SLC14A2: variants seen among roughly 807,000 people sequenced by gnomAD.
The protein encoded by SLC14A2 is urea transporter 2.
In SLC14A2, 91 loss-of-function variants were observed where a neutral mutation model predicts 104.6. The ratio of observed to expected loss-of-function variants is 0.87; its 90% CI spans 0.73 to 1.04. The LOEUF (loss-of-function observed/expected upper bound fraction) is 1.04, where lower values mean the gene tolerates loss of function less well. Ranked by LOEUF, SLC14A2 falls within the 50% of genes least tolerant of loss-of-function variation. The probability of loss-of-function intolerance (pLI) is 0.00; values close to 1 mark genes in which losing one functional copy is unlikely to be tolerated. For missense variants in SLC14A2, 1,189 were observed against 1,156.0 expected, an observed-to-expected ratio of 1.03 and a Z score of -0.41; for synonymous variants, 476 against 466.4, an observed-to-expected ratio of 1.02 and a Z score of -0.27.
intron 1 of SLC14A2, among the ~76,000 whole-genome samples, chr18:45,338,698 A>ACAAAAC (rs2085362175): frequency 8.5e-6 from 1 of 117,580 alleles, no homozygotes; most frequent in African/African-American, 2.8e-5. Flanking sequence ...AAAAAAAAAA[A>ACAAAAC]AAAAAAAAAA....
chr18:45,590,928 A>C (rs141269252), intron 2 of SLC14A2, among the ~76,000 whole-genome samples: 161 of 152,326 alleles, frequency 1.1e-3, no homozygotes, highest in Non-Finnish European at 1.5e-3. Flanking sequence ...CAAGTCGCCC[A>C]ATGTCTCACA....
intron 1 of SLC14A2, among the ~76,000 whole-genome samples, chr18:45,244,141 G>A (rs764224014): frequency 5.3e-5 from 8 of 152,038 alleles, no homozygotes; most frequent in South Asian, 2.1e-4. Context: ...GAGCCCCCTG[G>A]GCAGCCCACC....
chr18:45,316,855 A>G (rs2085134348), intron 1 of SLC14A2, among the ~76,000 whole-genome samples: 1 of 152,168 alleles, frequency 6.6e-6, no homozygotes, highest in Non-Finnish European at 1.5e-5. Flanking sequence ...GCAAATAGCC[A>G]ACACTAATCT....
intron 2 of SLC14A2, among the ~76,000 whole-genome samples, chr18:45,556,049 G>C (rs1433169139): frequency 6.6e-6 from 1 of 152,134 alleles, no homozygotes; most frequent in African/African-American, 2.4e-5. Flanking sequence ...CAAAATCGGG[G>C]TGCCAGCATG....
At chr18:45,297,205 A>G (rs2084925514) in intron 1 of SLC14A2, among the ~76,000 whole-genome samples, 1 of 152,230 alleles carries the variant, frequency 6.6e-6, no homozygotes, top group African/African-American at 2.4e-5. Flanking sequence ...ATGCCTTGTT[A>G]GAAGGTGATA....
At chr18:45,307,446 A>AAAAAACC (rs1394725773) in intron 1 of SLC14A2, among the ~76,000 whole-genome samples, 1 of 151,228 alleles carries the variant, frequency 6.6e-6, no homozygotes, top group East Asian at 1.9e-4. Context: ...CCAAAAAACC[A>AAAAAACC]AAAAACCAAC....
intron 1 of SLC14A2, among the ~76,000 whole-genome samples, chr18:45,412,452 T>C (rs1001797629): frequency 5.9e-5 from 9 of 152,186 alleles, no homozygotes; most frequent in Admixed American, 3.3e-4. Context: ...TCCTGCCAGG[T>C]TGGCTGATAT....
At chr18:45,565,693 A>G (rs1328683878) in intron 2 of SLC14A2, among the ~76,000 whole-genome samples, 5 of 152,178 alleles carry the variant, frequency 3.3e-5, no homozygotes, top group Admixed American at 3.3e-4. Flanking sequence ...CAGCACACGC[A>G]TCGGCTCCTA....
At chr18:45,553,500 T>C (rs1435434971) in intron 2 of SLC14A2, among the ~76,000 whole-genome samples, 1 of 152,140 alleles carries the variant, frequency 6.6e-6, no homozygotes, top group Non-Finnish European at 1.5e-5. Context: ...ATAGTTGAGA[T>C]TTGAAGAGTC....
intron 1 of SLC14A2, among the ~76,000 whole-genome samples, chr18:45,313,386 G>T (rs973865398): frequency 6.6e-6 from 1 of 152,136 alleles, no homozygotes; most frequent in South Asian, 2.1e-4. Flanking sequence ...GAAGTCATTT[G>T]CTCAGAGTCA....
At chr18:45,310,644 G>T (rs2085069082) in intron 1 of SLC14A2, among the ~76,000 whole-genome samples, 1 of 152,224 alleles carries the variant, frequency 6.6e-6, no homozygotes, top group Non-Finnish European at 1.5e-5. Context: ...GGAGGCAAGG[G>T]ACAGAAAAAG....
At chr18:45,337,900 G>A (rs929080066) in intron 1 of SLC14A2, among the ~76,000 whole-genome samples, 1 of 152,170 alleles carries the variant, frequency 6.6e-6, no homozygotes. Context: ...ATGCAGCCAG[G>A]CTTTTCCCAG....
At chr18:45,408,182 C>T (rs2086177176) in intron 1 of SLC14A2, among the ~76,000 whole-genome samples, 1 of 152,158 alleles carries the variant, frequency 6.6e-6, no homozygotes, top group Non-Finnish European at 1.5e-5. Context: ...TTGTTCTTCA[C>T]TGTTCATATC....
intron 2 of SLC14A2, among the ~76,000 whole-genome samples, chr18:45,566,071 T>G (rs1026917390): frequency 6.6e-6 from 1 of 152,204 alleles, no homozygotes; most frequent in African/African-American, 2.4e-5. Flanking sequence ...AAACTTTGGT[T>G]GGTTTATGAG....
intron 1 of SLC14A2, among the ~76,000 whole-genome samples, chr18:45,466,997 C>A (rs1219559060): frequency 1.3e-5 from 2 of 152,024 alleles, no homozygotes; most frequent in Non-Finnish European, 2.9e-5. Flanking sequence ...CTGATGATGA[C>A]ACAATGTCCA....
intron 2 of SLC14A2, among the ~76,000 whole-genome samples, chr18:45,562,873 T>C (rs1466484664): frequency 2.0e-5 from 3 of 152,234 alleles, no homozygotes; most frequent in Non-Finnish European, 1.5e-5. Flanking sequence ...TTGCCTGCTC[T>C]GCTCTGGTCC....
chr18:45,207,639 TAA>T, the SLC14A2 span, among the ~76,000 whole-genome samples: 4 of 152,082 alleles, frequency 2.6e-5, no homozygotes, highest in Non-Finnish European at 5.9e-5. Flanking sequence ...CTTCAAACAA[TAA>T]AGAGAATAAT....
chr18:45,311,442 TCA>T (rs992217132), intron 1 of SLC14A2, among the ~76,000 whole-genome samples: 1 of 152,178 alleles, frequency 6.6e-6, no homozygotes, highest in African/African-American at 2.4e-5. Flanking sequence ...GCCCAAAATC[TCA>T]GTTTTCCCAT....
At chr18:45,597,236 A>G (rs952884436) in intron 2 of SLC14A2, among the ~76,000 whole-genome samples, 3 of 152,158 alleles carry the variant, frequency 2.0e-5, no homozygotes, top group Non-Finnish European at 2.9e-5. Context: ...CTGAGGCAGG[A>G]GAATTGCTTG....
Sources: gnomAD v4.1 joint callset for allele counts (sites outside exome capture counted in the v4.1 genomes callset) on GRCh38, gnomAD v4.1.1 for gene constraint, MANE v1.5 for transcripts, NCBI Gene and HGNC (gene_info 2026-07-23, HGNC 2026-07-21) for gene names.